Variants in TCP11L2 observed in about 807,000 individuals in gnomAD.
TCP11L2 encodes the protein T-complex protein 11-like protein 2.
A neutral mutation model predicts 50.7 loss-of-function variants in TCP11L2; 39 were observed. The observed-to-expected ratio is 0.77, with a 90% CI of 0.60 to 1.01. TCP11L2 has a LOEUF of 1.01. Among genes scored for constraint, TCP11L2 ranks in the 50% least tolerant of loss-of-function variants. The pLI is 0.00. For synonymous variants in TCP11L2, 192 were observed against 219.3 expected, an observed-to-expected ratio of 0.88 and a Z score of 1.10; for missense variants, 612 against 614.7, an observed-to-expected ratio of 1.00 and a Z score of 0.05.
At chr12:106,324,095 C>T (rs185451224) in intron 6 of TCP11L2, 2 of 152,078 alleles carry the variant, frequency 1.3e-5, no homozygotes, top group Admixed American at 1.3e-4. Flanking sequence ...GTAGGCATGA[C>T]AAATAAATAA....
chr12:106,332,497 C>T lies in TCP11L2; in HGVS notation c.773-3142C>T, dbSNP rs139927685. 7.2e-3 allele frequency among the ~76,000 whole-genome samples: 1,096 copies of T among 152,318 alleles called. 16 individuals carry two copies. The highest frequency in any genetic ancestry group is 0.025 in the African/African-American group (1,051 of 41,556). ...AAAAGGAATGAACTATTGATACATACAACTTGGATGGATGCTTAGAAAACA... is the reference window on the plus strand; with the variant it reads ...AAAAGGAATGAACTATTGATACATATAACTTGGATGGATGCTTAGAAAACA... On this transcript the variant is annotated intron_variant, in intron 6 of 9. Coordinates refer to ENST00000299045, the MANE Select transcript of TCP11L2 (RefSeq NM_152772.3).
chr12:106,332,673 G>C (rs1170870291), intron 6 of TCP11L2, among the ~76,000 whole-genome samples: 1 of 152,138 alleles, frequency 6.6e-6, no homozygotes, highest in Non-Finnish European at 1.5e-5. Context: ...TCCTGATGAG[G>C]GCTTTCTTCC....
chr12:106,320,825 A>C (rs1470518123), intron 4 of TCP11L2, among the ~76,000 whole-genome samples: 1 of 152,228 alleles, frequency 6.6e-6, no homozygotes, highest in Admixed American at 6.5e-5. Flanking sequence ...AGCCTGCCAT[A>C]ATTATTATTT....
chr12:106,329,527 T>A (rs2035673980), intron 6 of TCP11L2: 2 of 1,457,056 alleles, frequency 1.4e-6, no homozygotes, highest in East Asian at 5.0e-5. Flanking sequence ...ATCTGGGGCG[T>A]TTAAACACAG....
intron 2 of TCP11L2, 107 bp from the exon 3 acceptor site, chr12:106,314,249 ACT>A (rs2034978122): frequency 3.4e-6 from 4 of 1,171,984 alleles, no homozygotes; most frequent in Non-Finnish European, 4.8e-6. Flanking sequence ...GACCTATAAA[ACT>A]CTGAAGTATA....
intron 6 of TCP11L2, chr12:106,329,889 G>A: frequency 1.0e-6 from 1 of 985,830 alleles, no homozygotes; most frequent in South Asian, 4.7e-5. Flanking sequence ...TGCCAACTGA[G>A]GAGAAACAAG....
At position 106,346,802 on chromosome 12, in the gene TCP11L2, A is replaced by G; in HGVS notation, c.*272A>G. ...CAGAAAACAATTTGTAATTAATTAT[A>G]TTACCTATATAATACTTGTAAATGT... On this transcript the variant is annotated 3_prime_UTR_variant, in exon 10 of 10. Coordinates refer to ENST00000299045, the MANE Select transcript of TCP11L2 (RefSeq NM_152772.3). 2.9e-6 allele frequency: 1 copy of G among 346,524 alleles called. No homozygotes were observed. The highest frequency in any genetic ancestry group is 5.2e-6 in the Non-Finnish European group (1 of 190,558). The allele number at this position is 346,524 out of a possible 1,614,324, so 21.5% of individuals were successfully genotyped here. A position where few individuals can be genotyped will look rare whatever the true frequency, so the allele number is the denominator to read the frequency against.
In TCP11L2 at chr12:106,336,014, T is replaced by A. The variant is rs1221589481; in HGVS notation, c.961-18T>A. The A allele has an allele frequency of 1.9e-6, 3 of 1,561,900 alleles. No individual in the cohort carries two copies. In the African/African-American group the frequency reaches 4.2e-5, roughly 22 times the overall value. On this transcript the variant is annotated intron_variant, in intron 7 of 9. Coordinates refer to ENST00000299045, the MANE Select transcript of TCP11L2 (RefSeq NM_152772.3). The stretch of plus-strand genomic sequence containing the variant: ...TGAGCTACCCTTTCTATTTTTATAT[T>A]TTAAATAAATATGTTAGACACTTAT...
intron 3 of TCP11L2, among the ~76,000 whole-genome samples, chr12:106,315,556 CA>C (rs2035043911): frequency 6.6e-6 from 1 of 152,152 alleles, no homozygotes; most frequent in Non-Finnish European, 1.5e-5. Context: ...AGTACAGGCT[CA>C]AGACATATTT....
chr12:106,320,984 T>C (rs1335115270), intron 4 of TCP11L2, among the ~76,000 whole-genome samples: 1 of 152,228 alleles, frequency 6.6e-6, no homozygotes, highest in Non-Finnish European at 1.5e-5. Context: ...TATTAATTTT[T>C]CTTGTATGTA....
At chr12:106,325,008 T>C (rs2035486880) in intron 6 of TCP11L2, 1 of 152,242 alleles carries the variant, frequency 6.6e-6, no homozygotes, top group Non-Finnish European at 1.5e-5. Context: ...GAATCATCAG[T>C]ATATGTATGA....
At position 106,329,183 on chromosome 12, in the gene TCP11L2, C is replaced by T. The variant is rs531866490; in HGVS notation, c.772+5537C>T. ...TGTTCTGGTGTCTGTCTCTCCCTTA[C>T]TAGACTAGGAACTTCTCGAGTGCAG... is the stretch of plus-strand genomic sequence containing the variant. On this transcript the variant is annotated intron_variant, in intron 6 of 9. Transcript: ENST00000299045. 3.7e-5 allele frequency: 34 copies of T among 928,020 alleles called. No individual in the cohort carries two copies. The African/African-American group carries it at 3.8e-4, about 10-fold the overall frequency. 57.5% of individuals were successfully genotyped at this position (928,020 alleles called of 1,614,324 possible). A position where few individuals can be genotyped will look rare whatever the true frequency, so the allele number is the denominator to read the frequency against.
At chr12:106,310,981 A>C (rs2034829974) in intron 1 of TCP11L2, 60 bp from the exon 2 acceptor site, 10 of 1,431,548 alleles carry the variant, frequency 7.0e-6, no homozygotes, top group Non-Finnish European at 9.6e-6. Context: ...TGGAAGAAGC[A>C]TTGGTGGTGC....
chr12:106,335,795 A>C lies in TCP11L2; in HGVS notation c.929A>C (p.Gln310Pro). Residue 310 changes from glutamine (Q) to proline (P), a missense_variant, in exon 7 of 10, where the codon CAG becomes CCG. By Grantham distance (76) the Gln-to-Pro change is moderately conservative. Transcript: ENST00000299045. ...AATAATAGTTACTTGAAACTGTTAC[A>C]GTGGGATTATCAGAAAAAAGAATTA... is the stretch of plus-strand genomic sequence containing the variant. ...VLNNSYLKLLQWDYQKKELPE... is the reference protein window; with the variant it reads ...VLNNSYLKLLPWDYQKKELPE... The C allele has an allele frequency of 6.2e-7, 1 of 1,614,110 alleles. No homozygotes were observed. The highest frequency in any genetic ancestry group is 8.5e-7 in the Non-Finnish European group (1 of 1,180,020).
chr12:106,335,925 T>C (rs1168616236), intron 7 of TCP11L2, 99 bp downstream of exon 7: 22 of 1,507,596 alleles, frequency 1.5e-5, no homozygotes, highest in Non-Finnish European at 2.0e-5. Context: ...TTAATGACTT[T>C]ACAAAAATCA....
chr12:106,303,809 C>A (rs1359946799), intron 1 of TCP11L2: 1 of 152,080 alleles, frequency 6.6e-6, no homozygotes, highest in Non-Finnish European at 1.5e-5. Flanking sequence ...GATAGAGACG[C>A]GGTTACTAAA....
At chr12:106,310,956 G>C in intron 1 of TCP11L2, 85 bp from the exon 2 acceptor site, 1 of 1,229,146 alleles carries the variant, frequency 8.1e-7, no homozygotes, top group Non-Finnish European at 1.1e-6. Context: ...CACTTGTGGG[G>C]ACAGTTGTCT....
At chr12:106,318,322 A>C (rs762505840) in intron 3 of TCP11L2, 22 bp from the exon 4 acceptor site, 4 of 1,606,224 alleles carry the variant, frequency 2.5e-6, no homozygotes, top group Non-Finnish European at 3.4e-6. Context: ...ATTTTAAAAA[A>C]CAATTCATTT....
intron 6 of TCP11L2, among the ~76,000 whole-genome samples, chr12:106,333,408 C>A (rs2035808121): frequency 6.6e-6 from 1 of 152,008 alleles, no homozygotes; most frequent in Non-Finnish European, 1.5e-5. Context: ...CTTTATGATT[C>A]CATTTATATG....
Sources: allele counts gnomAD v4.1 joint callset (sites outside exome capture counted in the v4.1 genomes callset), GRCh38; gene constraint gnomAD v4.1.1; transcripts MANE v1.5; gene names NCBI Gene and HGNC (gene_info 2026-07-23, HGNC 2026-07-21).